Variants in TBC1D8 observed in about 807,000 individuals in gnomAD.
TBC1D8 encodes TBC1 domain family member 8, also known as BUB2-like protein 1.
Under a neutral mutation model 118.8 loss-of-function variants are expected in TBC1D8, and 65 were observed. The observed-to-expected ratio is 0.55, with a 90% confidence interval of 0.45 to 0.67. The LOEUF is 0.67. Among genes scored for constraint, TBC1D8 ranks in the 30% least tolerant of loss-of-function variants. The pLI is 0.00. For missense variants in TBC1D8, 1,376 were observed against 1,471.2 expected (o/e 0.94, Z 1.06); for synonymous variants, 566 against 595.8 (o/e 0.95, Z 0.73).
chr2:101,011,934 T>C (rs992034033), intron 17 of TBC1D8, among the ~76,000 whole-genome samples: 4 of 152,244 alleles, frequency 2.6e-5, no homozygotes, highest in African/African-American at 9.6e-5. Flanking sequence ...GAGTAATTGG[T>C]AATGATGTTA....
At chr2:101,033,814 T>A (rs1358430589) in intron 9 of TBC1D8, 56 bp from the exon 10 acceptor site, 2 of 1,560,820 alleles carry the variant, frequency 1.3e-6, no homozygotes, top group Non-Finnish European at 1.7e-6. Context: ...GGTGTCATGA[T>A]GAAGAAGATG....
chr2:101,096,419 C>CAAA (rs55824667), intron 1 of TBC1D8, among the ~76,000 whole-genome samples: 2,584 of 43,742 alleles, frequency 0.059, 699 homozygotes, highest in Middle Eastern at 0.077. Context: ...TGGCTTTTGA[C>CAAA]AAAAAAAAAA....
intron 16 of TBC1D8, 60 bp from the exon 17 acceptor site, chr2:101,021,806 A>G: frequency 9.0e-7 from 1 of 1,112,864 alleles, no homozygotes; most frequent in Non-Finnish European, 1.3e-6. Flanking sequence ...TTGTCAGGAC[A>G]CAAACTCACT....
chr2:101,022,486 G>A lies in TBC1D8; in HGVS notation c.2556C>T (p.Pro852=). The part of the protein sequence containing the change: ...EHMMSCYWEQ[P]RPMASRHDPS... ...GGTCGTGGCGTGAGGCCATGGGCCT[G>A]GGCTGCTCCCAGTAACAGCTCATCA... Residue 852 remains proline, a synonymous_variant, in exon 16 of 20, where the codon CCC becomes CCT. Coordinates refer to ENST00000409318, the MANE Select transcript of TBC1D8 (RefSeq NM_001330348.2). 6.2e-7 allele frequency: 1 copy of A among 1,602,422 alleles called. No homozygotes were observed. Among genetic ancestry groups the A allele is most frequent in the Non-Finnish European group, 8.5e-7 (1 of 1,176,862 alleles).
chr2:101,077,333 C>T (rs1394139207), intron 2 of TBC1D8, among the ~76,000 whole-genome samples: 21 of 150,396 alleles, frequency 1.4e-4, no homozygotes, highest in African/African-American at 4.9e-4. Flanking sequence ...CTGCAACCTC[C>T]GCCTCCCGGG....
chr2:101,120,218 C>T (rs1262720791), intron 1 of TBC1D8, among the ~76,000 whole-genome samples: 1 of 152,200 alleles, frequency 6.6e-6, no homozygotes, highest in African/African-American at 2.4e-5. Flanking sequence ...GAGAGTCATC[C>T]TGATCCTTCT....
intron 2 of TBC1D8, among the ~76,000 whole-genome samples, chr2:101,063,259 G>C (rs1263371834): frequency 1.3e-5 from 2 of 152,082 alleles, no homozygotes; most frequent in East Asian, 1.9e-4. Context: ...TTGAGACAAA[G>C]TCATCAAAAA....
intron 1 of TBC1D8, among the ~76,000 whole-genome samples, chr2:101,145,080 C>T (rs1679264734): frequency 6.6e-6 from 1 of 152,222 alleles, no homozygotes; most frequent in Non-Finnish European, 1.5e-5. Context: ...ATTGTCAGCT[C>T]TTCCTAAGGA....
intron 1 of TBC1D8, among the ~76,000 whole-genome samples, chr2:101,129,189 G>A (rs183703327): frequency 6.6e-6 from 1 of 152,074 alleles, no homozygotes; most frequent in Non-Finnish European, 1.5e-5. Context: ...GCCCAGGTTG[G>A]AGTACAGTGG....
In TBC1D8 at chr2:101,085,601, C is replaced by T. The variant is rs376226516; in HGVS notation, c.283+4608G>A. On this transcript the variant is annotated intron_variant, in intron 2 of 19. Coordinates refer to ENST00000409318, the MANE Select transcript of TBC1D8 (RefSeq NM_001330348.2). ...ATGAGCAAGACAAGGAGAAACAGCA[C>T]TGCAAACAAGCAAACACTCGACTGC... Among the ~76,000 whole-genome samples the T allele has an allele frequency of 3.3e-5, 5 of 152,254 alleles. No individual in the cohort carries two copies. In the East Asian group the frequency reaches 9.7e-4, roughly 29 times the overall value.
In TBC1D8 at chr2:101,109,687, G is replaced by A. The variant is rs1019839576; in HGVS notation, c.128-19323C>T. Reference sequence around the variant, plus strand: ...TCCTCCCACCACCTTTCCGCAGATGGGATGAAGCAGCTGAGGCCCTGAGCA... The same window carrying A: ...TCCTCCCACCACCTTTCCGCAGATGAGATGAAGCAGCTGAGGCCCTGAGCA... On this transcript the variant is annotated intron_variant, in intron 1 of 19. Coordinates refer to ENST00000409318, the MANE Select transcript of TBC1D8 (RefSeq NM_001330348.2). 14 of 569,838 alleles carry A rather than the reference G, an allele frequency of 2.5e-5. No individual in the cohort carries two copies. In the Admixed American group the frequency reaches 3.8e-4, roughly 15 times the overall value. The allele number at this position is 569,838 out of a possible 1,614,324, so 35.3% of individuals were successfully genotyped here.
chr2:101,107,048 C>A (rs895807925), intron 1 of TBC1D8, among the ~76,000 whole-genome samples: 3 of 151,992 alleles, frequency 2.0e-5, no homozygotes, highest in Non-Finnish European at 4.4e-5. Context: ...GGGATGTAAC[C>A]CCATCGTAAG....
intron 1 of TBC1D8, among the ~76,000 whole-genome samples, chr2:101,113,516 G>A (rs1373036683): frequency 6.6e-6 from 1 of 152,130 alleles, no homozygotes; most frequent in South Asian, 2.1e-4. Flanking sequence ...AGCCCATGAT[G>A]CACAAATCAG....
At chr2:101,122,410 A>AAAAAAAAAAAAAAAAAAAAAAT (rs1678167571) in intron 1 of TBC1D8, among the ~76,000 whole-genome samples, 1 of 140,528 alleles carries the variant, frequency 7.1e-6, no homozygotes, top group Non-Finnish European at 1.6e-5. Flanking sequence ...AAAAAAAAAA[A>AAAAAAAAAAAAAAAAAAAAAAT]AGCATGGATA....
intron 5 of TBC1D8, among the ~76,000 whole-genome samples, chr2:101,047,186 G>A (rs1376806891): frequency 6.6e-6 from 1 of 152,192 alleles, no homozygotes; most frequent in East Asian, 1.9e-4. Context: ...TGTGAGGGCT[G>A]AGCCAGGTGA....
At chr2:101,017,784 C>T (rs1270855176) in intron 17 of TBC1D8, 19 of 1,507,190 alleles carry the variant, frequency 1.3e-5, no homozygotes, top group Non-Finnish European at 1.5e-5. Context: ...AAAATCTTGA[C>T]AAGCTCAGGA....
intron 5 of TBC1D8, among the ~76,000 whole-genome samples, chr2:101,049,996 T>G (rs1681958627): frequency 6.6e-6 from 1 of 151,840 alleles, no homozygotes; most frequent in Admixed American, 6.6e-5. Flanking sequence ...CCAGCCAATT[T>G]TTTTGTATTT....
At chr2:101,130,668 G>C (rs892464344) in intron 1 of TBC1D8, among the ~76,000 whole-genome samples, 1 of 152,222 alleles carries the variant, frequency 6.6e-6, no homozygotes, top group Admixed American at 6.5e-5. Flanking sequence ...GACATATTTA[G>C]AAGGATTGGC....
intron 1 of TBC1D8, among the ~76,000 whole-genome samples, chr2:101,124,677 G>A (rs1678275466): frequency 1.3e-5 from 2 of 152,156 alleles, no homozygotes; most frequent in African/African-American, 4.8e-5. Flanking sequence ...TCAGGGACCA[G>A]ATCAAATGTG....
Sources: allele counts gnomAD v4.1 joint callset (sites outside exome capture counted in the v4.1 genomes callset), GRCh38; gene constraint gnomAD v4.1.1; transcripts MANE v1.5; gene names NCBI Gene and HGNC (gene_info 2026-07-23, HGNC 2026-07-21).